MYO5A: variants seen among roughly 807,000 people sequenced by gnomAD.
MYO5A encodes myosin VA.
In MYO5A, 98 loss-of-function variants were observed where a neutral mutation model predicts 249.7. The observed-to-expected ratio is 0.39, with a 90% CI of 0.33 to 0.46. The LOEUF is 0.46. Among genes scored for constraint, MYO5A ranks in the 20% least tolerant of loss-of-function variants. MYO5A has a pLI of 0.98. For missense variants in MYO5A, 1,696 were observed against 2,308.8 expected, an observed-to-expected ratio of 0.73 and a Z score of 5.44; for synonymous variants, 778 against 810.6, an observed-to-expected ratio of 0.96 and a Z score of 0.68.
At chr15:52,395,343 T>C (rs993361313) in intron 11 of MYO5A, among the ~76,000 whole-genome samples, 1 of 152,212 alleles carries the variant, frequency 6.6e-6, no homozygotes. Flanking sequence ...TTAACCAAAT[T>C]TGTAACTTGC....
intron 39 of MYO5A, among the ~76,000 whole-genome samples, chr15:52,318,145 T>C (rs903886454): frequency 6.6e-6 from 1 of 152,096 alleles, no homozygotes; most frequent in Non-Finnish European, 1.5e-5. Flanking sequence ...TTGGTGAATA[T>C]TCTAGCTGTT....
intron 20 of MYO5A, among the ~76,000 whole-genome samples, chr15:52,374,195 A>G (rs1596364347): frequency 6.6e-6 from 1 of 152,270 alleles, no homozygotes; most frequent in Non-Finnish European, 1.5e-5. Context: ...GATAATTAAG[A>G]CTACTCTGGT....
At chr15:52,510,414 G>T (rs1030158312) in intron 1 of MYO5A, among the ~76,000 whole-genome samples, 4 of 152,100 alleles carry the variant, frequency 2.6e-5, no homozygotes, top group Admixed American at 1.3e-4. Context: ...AAGAATTTTT[G>T]GAAATCTTTA....
chr15:52,311,381 T>C lies in MYO5A; in HGVS notation c.*2315A>G, dbSNP rs986654139. The C allele has an allele frequency of 6.6e-6, 1 of 152,196 alleles. No homozygotes were observed. The highest frequency in any genetic ancestry group is 6.5e-5 in the Admixed American group (1 of 15,284). 9.4% of individuals were successfully genotyped at this position (152,196 alleles called of 1,614,324 possible). ...CGGATGCTGTTAGATTCTGACACAT[T>C]TGGTACGAACCAAATGGCTATGACT... On this transcript the variant is annotated 3_prime_UTR_variant, in exon 42 of 42. Coordinates refer to ENST00000399233, the MANE Select transcript of MYO5A (RefSeq NM_001382347.1).
At chr15:52,408,584 G>T (rs2043110590) in intron 6 of MYO5A, among the ~76,000 whole-genome samples, 1 of 152,078 alleles carries the variant, frequency 6.6e-6, no homozygotes, top group East Asian at 1.9e-4. Context: ...TTATTTGTAG[G>T]AAAGTCACAA....
chr15:52,404,538 T>C (rs182562051), intron 9 of MYO5A, among the ~76,000 whole-genome samples: 1 of 152,246 alleles, frequency 6.6e-6, no homozygotes, highest in East Asian at 1.9e-4. Context: ...ATGAATAGCA[T>C]GGCTCTATCC....
intron 39 of MYO5A, among the ~76,000 whole-genome samples, chr15:52,318,186 T>TG (rs1217770345): frequency 1.3e-5 from 2 of 152,122 alleles, no homozygotes; most frequent in Non-Finnish European, 2.9e-5. Flanking sequence ...CCCAGCACGG[T>TG]GGCTCACACC....
chr15:52,500,475 T>G (rs1232054246), intron 1 of MYO5A, among the ~76,000 whole-genome samples: 1 of 151,990 alleles, frequency 6.6e-6, no homozygotes, highest in Non-Finnish European at 1.5e-5. Flanking sequence ...GCCTCCTGAG[T>G]AGCTGGGATT....
chr15:52,335,489 C>G lies in MYO5A; in HGVS notation c.4408+974G>C, dbSNP rs182016188. 4.8e-5 allele frequency among the ~76,000 whole-genome samples: 7 copies of G among 145,064 alleles called. No individual in the cohort carries two copies. The East Asian group carries it at 1.4e-3, about 29-fold the overall frequency. On this transcript the variant is annotated intron_variant, in intron 34 of 41. Coordinates refer to ENST00000399233, the MANE Select transcript of MYO5A (RefSeq NM_001382347.1). Reference sequence around the variant, plus strand: ...CGAGATTGCACCACTGCACTCCAGCCTCAGCGACAGAGCAAGACTCTGTCT... The same window carrying G: ...CGAGATTGCACCACTGCACTCCAGCGTCAGCGACAGAGCAAGACTCTGTCT...
intron 28 of MYO5A, 56 bp downstream of exon 28, chr15:52,351,198 A>G: frequency 3.8e-6 from 5 of 1,328,154 alleles, no homozygotes; most frequent in Non-Finnish European, 5.4e-6. Context: ...GGAAGGGATA[A>G]GAAGATATTG....
At chr15:52,401,115 G>GGCTGGAGTGCTGGAGT (rs113715084) in intron 9 of MYO5A, among the ~76,000 whole-genome samples, 2,697 of 141,198 alleles carry the variant, frequency 0.019, 55 homozygotes, top group South Asian at 0.057. Context: ...CTATCCTCCA[G>GGCTGGAGTGCTGGAGT]GCTGGAGTGC....
chr15:52,360,215 T>C, intron 24 of MYO5A, 134 bp from the exon 25 acceptor site: 1 of 703,362 alleles, frequency 1.4e-6, no homozygotes. Context: ...TTGTTCCATA[T>C]TGTTTTGACC....
chr15:52,346,641 G>C (rs2039645936), intron 29 of MYO5A, 180 bp from the exon 30 acceptor site: 1 of 683,942 alleles, frequency 1.5e-6, no homozygotes, highest in African/African-American at 1.8e-5. Flanking sequence ...AGGTAGTTGA[G>C]AAGAGGTACC....
intron 5 of MYO5A, 96 bp downstream of exon 5, chr15:52,416,049 C>T: frequency 7.1e-7 from 1 of 1,414,832 alleles, no homozygotes; most frequent in Non-Finnish European, 9.9e-7. Context: ...TGGCTGGAGA[C>T]CCCAGGCTTT....
Position 52,528,825 on chromosome 15 carries a change from A to ACGCCCCCCGCCTGTGCGGAGGC in MYO5A, c.-41_-20dup, listed in dbSNP as rs1465856857. On this transcript the variant is annotated 5_prime_UTR_variant, in exon 1 of 42. Transcript: ENST00000399233. ...CAGCCATGGCGGGCCCCGCGCGCCT[A>ACGCCCCCCGCCTGTGCGGAGGC]CGCCCCCCGCCTGTGCGGAGGCCGC... 3 of 1,484,134 alleles carry ACGCCCCCCGCCTGTGCGGAGGC rather than the reference A, an allele frequency of 2.0e-6. No individual in the cohort carries two copies. In the East Asian group the frequency reaches 8.6e-5, roughly 43 times the overall value. The allele number at this position is 1,484,134 out of a possible 1,614,324, so 91.9% of individuals were successfully genotyped here. A position where few individuals can be genotyped will look rare whatever the true frequency, so the allele number is the denominator to read the frequency against.
chr15:52,505,709 C>G, intron 1 of MYO5A: 1 of 1,352,684 alleles, frequency 7.4e-7, no homozygotes, highest in South Asian at 1.2e-5. Context: ...TGGGACTCAT[C>G]TAAACTAGTT....
chr15:52,473,185 TGTC>T (rs1365122843), intron 1 of MYO5A, among the ~76,000 whole-genome samples: 10 of 152,258 alleles, frequency 6.6e-5, no homozygotes, highest in Non-Finnish European at 1.3e-4. Context: ...GCTGCATAAA[TGTC>T]TTCTTTTTGA....
At chr15:52,523,094 T>C (rs1279489184) in intron 1 of MYO5A, among the ~76,000 whole-genome samples, 2 of 152,218 alleles carry the variant, frequency 1.3e-5, no homozygotes, top group Non-Finnish European at 2.9e-5. Flanking sequence ...CAGGAATTAA[T>C]TTTCAGTTTC....
In MYO5A at chr15:52,310,442, A is replaced by G. The variant is rs2037739870; in HGVS notation, c.*3254T>C. The G allele has an allele frequency of 6.6e-6, 1 of 152,254 alleles. No individual in the cohort carries two copies. Among genetic ancestry groups the G allele is most frequent in the African/African-American group, 2.4e-5 (1 of 41,474 alleles). 9.4% of individuals were successfully genotyped at this position (152,254 alleles called of 1,614,324 possible). A position where few individuals can be genotyped will look rare whatever the true frequency, so the allele number is the denominator to read the frequency against. ...AATGGGGAGGGGATTATTAAGATAA[A>G]GAACTGTTGTGACTTTTAAGATCTC... On this transcript the variant is annotated 3_prime_UTR_variant, in exon 42 of 42. Coordinates refer to ENST00000399233, the MANE Select transcript of MYO5A (RefSeq NM_001382347.1).
Sources: allele counts gnomAD v4.1 joint callset (sites outside exome capture counted in the v4.1 genomes callset), GRCh38; gene constraint gnomAD v4.1.1; transcripts MANE v1.5; gene names NCBI Gene and HGNC (gene_info 2026-07-23, HGNC 2026-07-21).